The following RABGGTB variants were observed in gnomAD, a reference collection of about 807,000 sequenced individuals.
RABGGTB encodes the protein Rab geranylgeranyltransferase subunit beta.
RABGGTB carries 20 observed loss-of-function variants against 44.5 expected under a neutral mutation model. The ratio of observed to expected loss-of-function variants is 0.45; its 90% CI spans 0.32 to 0.65. The LOEUF (loss-of-function observed/expected upper bound fraction) is 0.65, where lower values mean the gene tolerates loss of function less well. RABGGTB is among the 30% of genes least tolerant of loss of function. The probability of loss-of-function intolerance (pLI) is 0.05; values close to 1 mark genes in which losing one functional copy is unlikely to be tolerated. For missense variants in RABGGTB, 302 were observed against 398.7 expected (o/e 0.76, Z 2.06); for synonymous variants, 128 against 136.7 (o/e 0.94, Z 0.44).
At position 75,789,241 on chromosome 1, in the gene RABGGTB, G is replaced by A. The variant is rs750012267; in HGVS notation, c.194G>A (p.Arg65His). The A allele has an allele frequency of 9.3e-6, 15 of 1,613,858 alleles. No individual in the cohort carries two copies. The Admixed American group carries it at 1.3e-4, about 14-fold the overall frequency. The change falls in exon 3 of 9, where the codon CGC (arginine) becomes CAC (histidine). Residue 65 changes from arginine (R) to histidine (H), a missense_variant. By Grantham distance (29) the Arg-to-His change is conservative. Coordinates refer to ENST00000319942, the MANE Select transcript of RABGGTB (RefSeq NM_004582.4). ...ATGGATCTCATGGGACAACTTCATC[G>A]CATGAATAGAGAAGAGATTCTGGCA... ...TVMDLMGQLH[R>H]MNREEILAFI... is the part of the protein sequence containing the mutation.
chr1:75,789,222 C>T lies in RABGGTB; in HGVS notation c.175C>T (p.Leu59Phe), dbSNP rs1240910313. ...GIYWGLTVMDLMGQLHRMNRE... is the reference protein window; with the variant it reads ...GIYWGLTVMDFMGQLHRMNRE... ...CTATTGGGGTCTGACAGTAATGGAT[C>T]TCATGGGACAACTTCATCGCATGAA... Residue 59 changes from leucine (L) to phenylalanine (F), a missense_variant, in exon 3 of 9, where the codon CTC becomes TTC. Physicochemically the swap from Leu to Phe is conservative, Grantham distance 22 (BLOSUM62 0). This residue lies in a region of RABGGTB where 89 missense variants were observed against 75.0 expected (regional missense o/e 1.19). Transcript: ENST00000319942. 4 of 1,613,896 alleles carry T rather than the reference C, an allele frequency of 2.5e-6. No homozygotes were observed. Among genetic ancestry groups the T allele is most frequent in the Admixed American group, 1.7e-5 (1 of 60,008 alleles).
At chr1:75,792,069 C>T in intron 6 of RABGGTB, 112 bp from the exon 7 acceptor site, 1 of 933,298 alleles carries the variant, frequency 1.1e-6, no homozygotes, top group Non-Finnish European at 1.6e-6. Context: ...TTTTAAGTGT[C>T]AGATCAAGAA....
rs959999060 is a variant in RABGGTB at position 75,790,070 on chromosome 1, T to A, written c.415+13T>A. ...GGAGATATTTGGGGTAATGTCAGATTTAGTCCATTCTACCCAAAATACCAA... is the reference window on the plus strand; with the variant it reads ...GGAGATATTTGGGGTAATGTCAGATATAGTCCATTCTACCCAAAATACCAA... On this transcript the variant is annotated intron_variant, in intron 4 of 8. Transcript: ENST00000319942. The A allele has an allele frequency of 3.1e-6, 5 of 1,611,438 alleles. No individual in the cohort carries two copies. In the African/African-American group the frequency reaches 4.0e-5, roughly 13 times the overall value.
intron 4 of RABGGTB, among the ~76,000 whole-genome samples, chr1:75,790,759 A>G (rs891309023): frequency 1.3e-5 from 2 of 151,850 alleles, no homozygotes; most frequent in African/African-American, 2.4e-5. Flanking sequence ...GCTCACTGCA[A>G]CCTCCACCTC....
chr1:75,794,390 C>A, intron 8 of RABGGTB, 120 bp from the exon 9 acceptor site: 2 of 1,310,392 alleles, frequency 1.5e-6, no homozygotes, highest in Non-Finnish European at 2.1e-6. Context: ...AACAATCTTA[C>A]AGAAATTTCT....
chr1:75,791,506 T>A lies in RABGGTB; in HGVS notation c.514T>A (p.Leu172Ile). 1 of 1,613,612 alleles carries A rather than the reference T, an allele frequency of 6.2e-7. No individual in the cohort carries two copies. Among genetic ancestry groups the A allele is most frequent in the Middle Eastern group, 1.7e-4 (1 of 5,770 alleles). ...INVEKAIEFV[L>I]SCMNFDGGFG... ...TGTGGAAAAGGCAATCGAATTTGTTTTATCCTGTATGAACTTTGACGGTGG... is the reference window on the plus strand; with the variant it reads ...TGTGGAAAAGGCAATCGAATTTGTTATATCCTGTATGAACTTTGACGGTGG... The change falls in exon 6 of 9, where the codon TTA becomes ATA. Residue 172 changes from leucine (L) to isoleucine (I), a missense_variant. Transcript: ENST00000319942.
chr1:75,793,200 C>A (rs1649689215), intron 7 of RABGGTB, among the ~76,000 whole-genome samples: 1 of 152,098 alleles, frequency 6.6e-6, no homozygotes, highest in Admixed American at 6.5e-5. Context: ...GTGCCCCTGC[C>A]CTCTGAATGG....
At chr1:75,792,362 G>A in intron 7 of RABGGTB, 56 bp downstream of exon 7, 1 of 1,587,574 alleles carries the variant, frequency 6.3e-7, no homozygotes, top group African/African-American at 1.3e-5. Context: ...GAATGCTGCT[G>A]CTTTGTCTTG....
chr1:75,787,064 A>AT (rs755295499), intron 1 of RABGGTB: 7 of 519,508 alleles, frequency 1.3e-5, no homozygotes, highest in Non-Finnish European at 2.3e-5. Flanking sequence ...GCTGGTGGTA[A>AT]TTTTTTGGGT....
At chr1:75,787,345 G>T in intron 1 of RABGGTB, 152 bp from the exon 2 acceptor site, 1 of 644,008 alleles carries the variant, frequency 1.6e-6, no homozygotes, top group Non-Finnish European at 2.7e-6. Flanking sequence ...TTCTACCTCA[G>T]CCTCCCTAGT....
In RABGGTB at chr1:75,794,824, TCTG is replaced by T. The variant is rs1649730813; in HGVS notation, c.*177_*179del. The T allele has an allele frequency of 2.6e-6, 1 of 390,296 alleles. No individual in the cohort carries two copies. The highest frequency in any genetic ancestry group is 3.9e-6 in the Non-Finnish European group (1 of 257,226). 24.2% of individuals were successfully genotyped at this position (390,296 alleles called of 1,614,324 possible). On this transcript the variant is annotated 3_prime_UTR_variant, in exon 9 of 9. Transcript: ENST00000319942. ...TAAAATAAAGACCGGTATTTTATTT[TCTG>T]CTTTTTATTCTGAAGTCCTGTTATT...
rs1400991906 is a variant in RABGGTB, at chr1:75,794,745, A to G, written c.*95A>G. 3.5e-5 allele frequency: 33 copies of G among 940,152 alleles called. No homozygotes were observed. The highest frequency in any genetic ancestry group is 4.7e-5 in the Non-Finnish European group (32 of 684,952). The allele number at this position is 940,152 out of a possible 1,614,324, so 58.2% of individuals were successfully genotyped here. ...GAATCTAAAAGTGACTACTGTTAAT[A>G]TTTTGTATATTGTGTTAAATTAATT... On this transcript the variant is annotated 3_prime_UTR_variant, in exon 9 of 9. Transcript: ENST00000319942.
rs1649736959 is a variant in RABGGTB at position 75,795,011 on chromosome 1, A to G, written c.*361A>G. 4.2e-6 allele frequency: 1 copy of G among 237,076 alleles called. No homozygotes were observed. Among genetic ancestry groups the G allele is most frequent in the Admixed American group, 5.3e-5 (1 of 18,832 alleles). 14.7% of individuals were successfully genotyped at this position (237,076 alleles called of 1,614,324 possible). A position where few individuals can be genotyped will look rare whatever the true frequency, so the allele number is the denominator to read the frequency against. On this transcript the variant is annotated 3_prime_UTR_variant, in exon 9 of 9. Transcript: ENST00000319942. ...AATTGGTTTGTCAACAAGAATGTTA[A>G]CTGATGAAAGTGGATAGAACCCATA... is the stretch of plus-strand genomic sequence containing the variant.
In RABGGTB at chr1:75,792,207, A is replaced by T. The variant is rs12703; in HGVS notation, c.606A>T (p.Ala202=). 0.92 allele frequency: 1,485,028 copies of T among 1,611,290 alleles called. 686,873 individuals are homozygous for T. The highest frequency in any genetic ancestry group is 0.98 in the African/African-American group (73,225 of 74,986). ...GQIYCCTGFL[A]ITSQLHQVNS... is the part of the protein sequence containing the mutation. ...TCTATTGTTGCACAGGATTTCTGGC[A>T]ATTACAAGTCAGTTGCATCAAGTAA... The change falls in exon 7 of 9, where the codon GCA becomes GCT. Residue 202 remains alanine, a synonymous_variant. Transcript: ENST00000319942.
chr1:75,793,887 A>G (rs1254929008), intron 7 of RABGGTB, 197 bp from the exon 8 acceptor site: 1 of 511,702 alleles, frequency 2.0e-6, no homozygotes, highest in East Asian at 3.1e-5. Flanking sequence ...CTTCTTACCC[A>G]TTAATTGATT....
intron 1 of RABGGTB, chr1:75,787,134 A>G (rs1187051442): frequency 1.8e-6 from 1 of 551,306 alleles, no homozygotes; most frequent in East Asian, 4.8e-5. Context: ...TTAGCTCTAG[A>G]ATTACTCTGA....
rs1649494554 is a variant in RABGGTB at position 75,786,603 on chromosome 1, A to G, written c.3+329A>G. 8.4e-6 allele frequency: 3 copies of G among 357,504 alleles called. No homozygotes were observed. The Admixed American group carries it at 1.3e-4, about 16-fold the overall frequency. The allele number at this position is 357,504 out of a possible 1,614,324, so 22.1% of individuals were successfully genotyped here. A position where few individuals can be genotyped will look rare whatever the true frequency, so the allele number is the denominator to read the frequency against. On this transcript the variant is annotated intron_variant, in intron 1 of 8. Transcript: ENST00000319942. ...GAGGGGGTGTCAAAGATTTCTTTAA[A>G]ATCGTTAGTGATGTGGTCTCGCTTT... is the stretch of plus-strand genomic sequence containing the variant.
intron 2 of RABGGTB, chr1:75,788,022 A>G: frequency 2.2e-6 from 1 of 463,282 alleles, no homozygotes; most frequent in Non-Finnish European, 4.3e-6. Context: ...CTCTGGGACA[A>G]TCTTAGCAAA....
intron 1 of RABGGTB, chr1:75,786,936 T>A (rs1207884442): frequency 1.1e-5 from 4 of 361,698 alleles, no homozygotes; most frequent in South Asian, 6.0e-5. Flanking sequence ...TTTTATTTTT[T>A]AAAAATATGC....
Sources: allele counts gnomAD v4.1 joint callset (sites outside exome capture counted in the v4.1 genomes callset), GRCh38; gene constraint gnomAD v4.1.1; regional missense constraint gnomAD v4.1.1; transcripts MANE v1.5; gene names NCBI Gene and HGNC (gene_info 2026-07-23, HGNC 2026-07-21).